VPS8: variants seen among roughly 807,000 people sequenced by gnomAD.
VPS8 encodes vacuolar protein sorting-associated protein 8 homolog.
In VPS8, 129 loss-of-function variants were observed where a neutral mutation model predicts 216.4. The observed-to-expected ratio is 0.60, with a 90% CI of 0.52 to 0.69. The LOEUF (loss-of-function observed/expected upper bound fraction) is 0.69. Ranked by LOEUF, VPS8 falls within the 30% of genes least tolerant of loss-of-function variation. The probability of loss-of-function intolerance (pLI) is 0.00; values close to 1 mark genes in which losing one functional copy is unlikely to be tolerated. For missense variants in VPS8, 1,531 were observed against 1,683.5 expected, an observed-to-expected ratio of 0.91 and a Z score of 1.59; for synonymous variants, 571 against 565.4, an observed-to-expected ratio of 1.01 and a Z score of -0.14.
rs151330384 is a variant in VPS8, at chr3:184,969,515, C to T, written c.3317-2134C>T. Among the ~76,000 whole-genome samples, 634 of 143,576 alleles carry T rather than the reference C, an allele frequency of 4.4e-3. 5 individuals carry two copies. Among genetic ancestry groups the T allele is most frequent in the African/African-American group, 0.015 (571 of 38,080 alleles). The allele number at this position is 143,576 out of a possible 152,430, so 94.2% of individuals were successfully genotyped here. On this transcript the variant is annotated intron_variant, in intron 39 of 47. Transcript: ENST00000625842. ...CGTGATCTCAGCTCATTACAACCTC[C>T]GCCTCCCGGGTTCAAGCGATCCTCC...
At chr3:184,979,802 C>T (rs893427775) in intron 40 of VPS8, among the ~76,000 whole-genome samples, 1 of 152,118 alleles carries the variant, frequency 6.6e-6, no homozygotes, top group African/African-American at 2.4e-5. Context: ...TGTTTATGTT[C>T]AAGGATACTA....
chr3:184,961,479 C>G (rs1171310032), intron 37 of VPS8, among the ~76,000 whole-genome samples: 1 of 152,120 alleles, frequency 6.6e-6, no homozygotes, highest in Non-Finnish European at 1.5e-5. Flanking sequence ...TTTTGCCGTA[C>G]TGGCCTTAGT....
intron 25 of VPS8, among the ~76,000 whole-genome samples, chr3:184,910,991 C>G (rs183716528): frequency 1.8e-4 from 28 of 152,270 alleles, no homozygotes; most frequent in Non-Finnish European, 3.5e-4. Context: ...CTTCCCGTAC[C>G]TAATAGTAGC....
At chr3:185,042,189 C>T (rs2108510894) in intron 46 of VPS8, among the ~76,000 whole-genome samples, 1 of 152,272 alleles carries the variant, frequency 6.6e-6, no homozygotes. Flanking sequence ...AAAAGAGAGC[C>T]CCTACTCTGT....
chr3:185,033,035 A>G (rs1053223271), intron 46 of VPS8, among the ~76,000 whole-genome samples: 1 of 152,078 alleles, frequency 6.6e-6, no homozygotes, highest in Non-Finnish European at 1.5e-5. Context: ...CAGAGTTCCC[A>G]TATGTTTGCT....
Position 184,930,638 on chromosome 3 carries a change from C to T in VPS8, c.2898+70C>T, listed in dbSNP as rs769560092. 7.3e-5 allele frequency: 80 copies of T among 1,094,556 alleles called. No homozygotes were observed. The East Asian group carries it at 1.3e-3, about 18-fold the overall frequency. 67.8% of individuals were successfully genotyped at this position (1,094,556 alleles called of 1,614,324 possible). A position where few individuals can be genotyped will look rare whatever the true frequency, so the allele number is the denominator to read the frequency against. ...CTAACCCAAGTTAACTTTATGCCAA[C>T]GAAGCAATGGCATGTATCATATTAA... is the stretch of plus-strand genomic sequence containing the variant. On this transcript the variant is annotated intron_variant, in intron 34 of 47. Transcript: ENST00000625842.
intron 3 of VPS8, among the ~76,000 whole-genome samples, chr3:184,829,101 A>G (rs775064230): frequency 3.9e-5 from 6 of 152,172 alleles, no homozygotes; most frequent in Non-Finnish European, 2.9e-5. Context: ...GTTGATAGGT[A>G]TTTGTGTAGT....
intron 36 of VPS8, among the ~76,000 whole-genome samples, chr3:184,956,863 G>A (rs1317287092): frequency 6.6e-6 from 1 of 152,112 alleles, no homozygotes; most frequent in African/African-American, 2.4e-5. Context: ...CAAGACATTG[G>A]TTAGCTTCAA....
At chr3:184,967,002 T>C (rs184469249) in intron 39 of VPS8, among the ~76,000 whole-genome samples, 8 of 151,548 alleles carry the variant, frequency 5.3e-5, no homozygotes, top group Admixed American at 5.3e-4. Flanking sequence ...GCTTTCGCTC[T>C]GTTGCCCAGG....
rs1739308020 is a variant in VPS8, at chr3:184,924,949, A to G, written c.2542A>G (p.Thr848Ala). 1.2e-6 allele frequency: 2 copies of G among 1,613,744 alleles called. No individual in the cohort carries two copies. The highest frequency in any genetic ancestry group is 8.5e-7 in the Non-Finnish European group (1 of 1,179,814). ...LARQLAKPDN[T>A]LFVNRTLFDQ... Reference sequence around the variant, plus strand: ...TCGGCAGCTTGCAAAGCCTGACAACACCTTGTTTGTAAACAGAACACTTTT... The same window carrying G: ...TCGGCAGCTTGCAAAGCCTGACAACGCCTTGTTTGTAAACAGAACACTTTT... Residue 848 changes from threonine (T) to alanine (A), a missense_variant, in exon 30 of 48, where the codon ACC (threonine) becomes GCC (alanine). Transcript: ENST00000625842.
chr3:184,870,858 C>A (rs1273209955), intron 21 of VPS8, 53 bp downstream of exon 21: 3 of 1,428,732 alleles, frequency 2.1e-6, no homozygotes, highest in African/African-American at 1.4e-5. Context: ...GTCTAATACT[C>A]CTCTTTTATG....
intron 45 of VPS8, among the ~76,000 whole-genome samples, chr3:185,007,688 C>T (rs1446895838): frequency 6.6e-6 from 1 of 152,078 alleles, no homozygotes; most frequent in Non-Finnish European, 1.5e-5. Context: ...TGGTATTGTT[C>T]AAAACCAACT....
rs768213643 is a variant in VPS8, at chr3:184,850,036, T to G, written c.753+14T>G. 13 of 1,584,222 alleles carry G rather than the reference T, an allele frequency of 8.2e-6. No individual in the cohort carries two copies. Among genetic ancestry groups the G allele is most frequent in the Non-Finnish European group, 1.1e-5 (13 of 1,168,500 alleles). On this transcript the variant is annotated intron_variant, in intron 10 of 47. Coordinates refer to ENST00000625842, the MANE Select transcript of VPS8 (RefSeq NM_001009921.3). Reference sequence around the variant, plus strand: ...TTGCATATCAAGGTAAGAGCTTTATTTTCTTTTCCTAATAATTTTTTTATT... The same window carrying G: ...TTGCATATCAAGGTAAGAGCTTTATGTTCTTTTCCTAATAATTTTTTTATT...
intron 46 of VPS8, among the ~76,000 whole-genome samples, chr3:185,035,538 T>G (rs1453075594): frequency 6.6e-6 from 1 of 152,098 alleles, no homozygotes; most frequent in Non-Finnish European, 1.5e-5. Context: ...TGCAGAAAAG[T>G]CTTTCAATGA....
At chr3:184,994,686 G>T (rs1752383327) in intron 43 of VPS8, among the ~76,000 whole-genome samples, 1 of 151,884 alleles carries the variant, frequency 6.6e-6, no homozygotes, top group Non-Finnish European at 1.5e-5. Flanking sequence ...TGAAAAGGAA[G>T]GATCAACATG....
At chr3:184,949,699 C>T (rs761267167) in intron 36 of VPS8, among the ~76,000 whole-genome samples, 1 of 151,972 alleles carries the variant, frequency 6.6e-6, no homozygotes, top group African/African-American at 2.4e-5. Flanking sequence ...TCTTTACTAC[C>T]TGTAATAATC....
intron 45 of VPS8, among the ~76,000 whole-genome samples, chr3:185,018,171 T>G (rs748740932): frequency 6.6e-6 from 1 of 152,204 alleles, no homozygotes; most frequent in Non-Finnish European, 1.5e-5. Context: ...GTGCTTTCCC[T>G]TTAACAGGTC....
chr3:184,969,748 C>A (rs1748087272), intron 39 of VPS8, among the ~76,000 whole-genome samples: 1 of 150,930 alleles, frequency 6.6e-6, no homozygotes, highest in African/African-American at 2.4e-5. Flanking sequence ...CTTTTCAAGA[C>A]AATACATGAA....
At chr3:184,919,529 A>G (rs975662495) in intron 28 of VPS8, among the ~76,000 whole-genome samples, 3 of 152,190 alleles carry the variant, frequency 2.0e-5, no homozygotes, top group African/African-American at 7.2e-5. Flanking sequence ...GATGCATGTT[A>G]TGTTCAAAGT....
Sources: gnomAD v4.1 joint callset for allele counts (sites outside exome capture counted in the v4.1 genomes callset) on GRCh38, gnomAD v4.1.1 for gene constraint, MANE v1.5 for transcripts, NCBI Gene and HGNC (gene_info 2026-07-23, HGNC 2026-07-21) for gene names.